Variants in DACH2 observed in about 807,000 individuals in gnomAD.
The protein encoded by DACH2 is dachshund homolog 2.
A neutral mutation model predicts 35.8 loss-of-function variants in DACH2; 17 were observed. The observed-to-expected ratio is 0.48, with a 90% CI of 0.33 to 0.71. The LOEUF (loss-of-function observed/expected upper bound fraction) is 0.71, where lower values mean the gene tolerates loss of function less well. Ranked by LOEUF, DACH2 falls within the 30% of genes least tolerant of loss-of-function variation. The pLI is 0.02. For missense variants in DACH2, 469 were observed against 472.7 expected, an observed-to-expected ratio of 0.99 and a Z score of 0.07; for synonymous variants, 195 against 177.3, an observed-to-expected ratio of 1.10 and a Z score of -0.79.
chrX:86,653,016 T>A (rs1331422905), intron 4 of DACH2, among the ~76,000 whole-genome samples: 1 of 112,292 alleles, frequency 8.9e-6, no homozygotes, highest in Admixed American at 9.5e-5. Context: ...AATTCCTGTG[T>A]CCAAAATGGT....
intron 1 of DACH2, among the ~76,000 whole-genome samples, chrX:86,181,649 T>C (rs1039944800): frequency 2.7e-5 from 3 of 111,366 alleles, no homozygotes; most frequent in African/African-American, 9.8e-5. Flanking sequence ...TAAACATACG[T>C]GTGCATGTGT....
intron 3 of DACH2, among the ~76,000 whole-genome samples, chrX:86,648,047 A>C (rs867026937): frequency 9.8e-6 from 1 of 101,812 alleles, no homozygotes; most frequent in Non-Finnish European, 2.1e-5. Flanking sequence ...GTAAATGCTC[A>C]GTTATCGGTA....
intron 1 of DACH2, among the ~76,000 whole-genome samples, chrX:86,266,491 T>C (rs746446610): frequency 8.9e-6 from 1 of 112,053 alleles, no homozygotes; most frequent in South Asian, 3.7e-4. Context: ...CATTATAAGA[T>C]AGTGGCAACT....
chrX:86,617,931 C>G (rs1249321389), intron 3 of DACH2, among the ~76,000 whole-genome samples: 1 of 112,048 alleles, frequency 8.9e-6, no homozygotes, highest in Non-Finnish European at 1.9e-5. Context: ...GAGATAGCAA[C>G]TTTTAGTTCT....
intron 2 of DACH2, among the ~76,000 whole-genome samples, chrX:86,425,652 C>T (rs1405796818): frequency 1.8e-5 from 2 of 110,505 alleles, no homozygotes; most frequent in African/African-American, 6.6e-5. Context: ...ATTTTTTGTA[C>T]TGTTTTCTTC....
At chrX:86,221,788 T>A (rs1206311924) in intron 1 of DACH2, among the ~76,000 whole-genome samples, 3 of 112,279 alleles carry the variant, frequency 2.7e-5, no homozygotes, top group Non-Finnish European at 5.6e-5. Flanking sequence ...AGACTGGGTG[T>A]CATAAACAAA....
At chrX:86,171,208 CA>C (rs2031114670) in intron 1 of DACH2, among the ~76,000 whole-genome samples, 1 of 102,221 alleles carries the variant, frequency 9.8e-6, no homozygotes, top group Non-Finnish European at 2.1e-5. Flanking sequence ...AAATGCAAGA[CA>C]AAGTCCTTTC....
chrX:86,573,936 C>A (rs1053351184), intron 3 of DACH2, among the ~76,000 whole-genome samples: 1 of 111,497 alleles, frequency 9.0e-6, no homozygotes, highest in Non-Finnish European at 1.9e-5. Flanking sequence ...TGACTCTTCT[C>A]CTCCTCGTTA....
intron 9 of DACH2, among the ~76,000 whole-genome samples, chrX:86,813,632 GTAA>G (rs34186073): frequency 0.32 from 33,091 of 102,827 alleles, 4,687 homozygotes; most frequent in Non-Finnish European, 0.41. Context: ...AATAATAATG[GTAA>G]TAATAATAAT....
At chrX:86,578,112 G>C (rs2039457647) in intron 3 of DACH2, among the ~76,000 whole-genome samples, 1 of 111,173 alleles carries the variant, frequency 9.0e-6, no homozygotes, top group African/African-American at 3.3e-5. Flanking sequence ...GGCTTGATTG[G>C]TGTCTGGTGG....
At chrX:86,301,276 T>A (rs1044864962) in intron 1 of DACH2, among the ~76,000 whole-genome samples, 2 of 112,178 alleles carry the variant, frequency 1.8e-5, no homozygotes, top group Non-Finnish European at 3.8e-5. Flanking sequence ...GACAATGGAT[T>A]GTGCAACAGA....
intron 1 of DACH2, among the ~76,000 whole-genome samples, chrX:86,330,607 A>AC (rs1410332688): frequency 9.0e-6 from 1 of 111,609 alleles, no homozygotes; most frequent in African/African-American, 3.2e-5. Context: ...TAAAAACAAC[A>AC]CCTCTAAGTA....
chrX:86,527,202 G>A (rs1003367826), intron 3 of DACH2, among the ~76,000 whole-genome samples: 2 of 111,399 alleles, frequency 1.8e-5, no homozygotes, highest in Non-Finnish European at 3.8e-5. Flanking sequence ...TTTAAAAAAG[G>A]TTTTACTGAG....
intron 1 of DACH2, among the ~76,000 whole-genome samples, chrX:86,319,922 G>A (rs966716493): frequency 1.8e-5 from 2 of 111,725 alleles, no homozygotes; most frequent in Non-Finnish European, 3.8e-5. Context: ...TTCCCAATTG[G>A]ATTATTGGCC....
chrX:86,674,029 G>C, intron 4 of DACH2, among the ~76,000 whole-genome samples: 1 of 111,859 alleles, frequency 8.9e-6, no homozygotes, highest in Non-Finnish European at 1.9e-5. Context: ...CCTAGTCTCA[G>C]GTAGTTCTTT....
intron 7 of DACH2, among the ~76,000 whole-genome samples, chrX:86,795,474 C>T (rs2042227357): frequency 9.1e-6 from 1 of 110,420 alleles, no homozygotes; most frequent in Admixed American, 9.7e-5. Flanking sequence ...ACCTCATGAT[C>T]CACCTGCCTT....
intron 1 of DACH2, among the ~76,000 whole-genome samples, chrX:86,192,942 C>T (rs2047502889): frequency 8.9e-6 from 1 of 112,018 alleles, no homozygotes; most frequent in Non-Finnish European, 1.9e-5. Context: ...GAATCACAGC[C>T]TCCTTATCCT....
At position 86,788,058 on chromosome X, in the gene DACH2, G is replaced by A. The variant is rs146558414; in HGVS notation, c.1241-24798G>A. On this transcript the variant is annotated intron_variant, in intron 7 of 11. Transcript: ENST00000373125. ...GTGTCTTATTGTTCCCTTGCGGTGG[G>A]CTGTCTGCATAGGTAGTGGCCTGCT... 1.2e-4 allele frequency among the ~76,000 whole-genome samples: 13 copies of A among 111,049 alleles called. No individual in the cohort carries two copies. In the East Asian group the frequency reaches 3.1e-3, roughly 27 times the overall value.
intron 7 of DACH2, among the ~76,000 whole-genome samples, chrX:86,794,310 A>G (rs2042215129): frequency 1.8e-5 from 2 of 110,694 alleles, no homozygotes; most frequent in African/African-American, 6.6e-5. Context: ...TATTATTATG[A>G]GTAATACAGT....
Sources: gnomAD v4.1 joint callset for allele counts (sites outside exome capture counted in the v4.1 genomes callset) on GRCh38, gnomAD v4.1.1 for gene constraint, MANE v1.5 for transcripts, NCBI Gene and HGNC (gene_info 2026-07-23, HGNC 2026-07-21) for gene names.